ELF1: variants seen among roughly 807,000 people sequenced by gnomAD.
ELF1 encodes ETS-related transcription factor Elf-1.
Under a neutral mutation model 59.9 loss-of-function variants are expected in ELF1, and 24 were observed. The observed-to-expected ratio is 0.40, with a 90% confidence interval of 0.29 to 0.56. The LOEUF (loss-of-function observed/expected upper bound fraction) is 0.56, where lower values mean the gene tolerates loss of function less well. Among genes scored for constraint, ELF1 ranks in the 20% least tolerant of loss-of-function variants. ELF1 has a pLI of 0.44. For missense variants in ELF1, 627 were observed against 742.2 expected (o/e 0.84, Z 1.80); for synonymous variants, 248 against 266.2 (o/e 0.93, Z 0.67).
intron 1 of ELF1, among the ~76,000 whole-genome samples, chr13:41,002,129 A>G (rs1874485139): frequency 6.6e-6 from 1 of 152,136 alleles, no homozygotes; most frequent in Non-Finnish European, 1.5e-5. Flanking sequence ...ATAGGTACAG[A>G]TAAATCCAAA....
At chr13:40,943,201 A>G (rs1442094534) in intron 6 of ELF1, 57 bp from the exon 7 acceptor site, 2 of 1,404,336 alleles carry the variant, frequency 1.4e-6, no homozygotes, top group African/African-American at 2.8e-5. Context: ...AAGAACCTCA[A>G]AAAAGACAAC....
At chr13:41,015,834 C>CA (rs1009403226) in intron 1 of ELF1, among the ~76,000 whole-genome samples, 2 of 151,812 alleles carry the variant, frequency 1.3e-5, no homozygotes, top group African/African-American at 4.8e-5. Flanking sequence ...CGTAAGATGG[C>CA]AAAAAAGAGT....
intron 1 of ELF1, chr13:40,993,463 AC>A: frequency 1.7e-6 from 1 of 597,716 alleles, no homozygotes; most frequent in Non-Finnish European, 2.9e-6. Flanking sequence ...CAACTTAAGC[AC>A]CCAGCGGGCG....
chr13:41,034,461 G>C (rs1184890852), intron 1 of ELF1, among the ~76,000 whole-genome samples: 1 of 152,076 alleles, frequency 6.6e-6, no homozygotes, highest in Admixed American at 6.6e-5. Flanking sequence ...CTAAACTTAA[G>C]ATCATTTCAA....
At chr13:40,992,213 A>G (rs560039368) in intron 1 of ELF1, among the ~76,000 whole-genome samples, 1 of 152,348 alleles carries the variant, frequency 6.6e-6, no homozygotes, top group East Asian at 1.9e-4. Context: ...CGATTTGCCC[A>G]AAGTCGCATG....
intron 1 of ELF1, among the ~76,000 whole-genome samples, chr13:40,997,169 CA>C (rs1874167127): frequency 1.3e-5 from 2 of 152,316 alleles, no homozygotes; most frequent in South Asian, 2.1e-4. Flanking sequence ...TCCTTGTGCA[CA>C]AAACTTCCTG....
intron 1 of ELF1, among the ~76,000 whole-genome samples, chr13:40,989,104 G>A (rs1003038528): frequency 9.9e-5 from 15 of 152,052 alleles, no homozygotes; most frequent in African/African-American, 3.6e-4. Flanking sequence ...AGCCTTTCTA[G>A]CTATTTTAAA....
intron 1 of ELF1, among the ~76,000 whole-genome samples, chr13:41,044,441 G>C (rs1273101878): frequency 1.3e-5 from 2 of 152,142 alleles, no homozygotes; most frequent in Admixed American, 1.3e-4. Context: ...GTCATAAATA[G>C]CTCTTACTAT....
At chr13:40,983,135 A>G (rs1184681896) in intron 1 of ELF1, among the ~76,000 whole-genome samples, 1 of 152,242 alleles carries the variant, frequency 6.6e-6, no homozygotes, top group Non-Finnish European at 1.5e-5. Flanking sequence ...AAAGGAAAAA[A>G]TTCTTTAGGT....
intron 1 of ELF1, among the ~76,000 whole-genome samples, chr13:41,017,008 CTG>C (rs1292182948): frequency 2.2e-5 from 2 of 89,270 alleles, no homozygotes; most frequent in African/African-American, 8.9e-5. Context: ...AGAAATAAAA[CTG>C]TCTTTGTATC....
At chr13:41,022,948 A>G (rs761104112), upstream of ELF1, among the ~76,000 whole-genome samples, 6 of 152,168 alleles carry the variant, frequency 3.9e-5, no homozygotes, top group Non-Finnish European at 8.8e-5. Flanking sequence ...AAAGAAAGGA[A>G]GGGAGGAAGG....
chr13:41,056,150 G>A (rs1468033243), intron 1 of ELF1, among the ~76,000 whole-genome samples: 3 of 151,992 alleles, frequency 2.0e-5, no homozygotes, highest in African/African-American at 4.8e-5. Flanking sequence ...ATCCACATTG[G>A]CAGTCACCTC....
rs1438394237 is a variant in ELF1 at position 41,049,766 on chromosome 13, C to G, written c.-229+11072G>C. Among the ~76,000 whole-genome samples the G allele has an allele frequency of 2.0e-5, 3 of 152,228 alleles. No individual in the cohort carries two copies. The East Asian group carries it at 5.8e-4, about 29-fold the overall frequency. ...GCCTTCTCAATCCAGCCCTTCCCTACACTATGTTAGGGGTCTCCCTGCCAT... is the reference window on the plus strand; with the variant it reads ...GCCTTCTCAATCCAGCCCTTCCCTAGACTATGTTAGGGGTCTCCCTGCCAT... On this transcript the variant is annotated intron_variant, in intron 1 of 1. Coordinates refer to the ELF1 transcript ENST00000405737.
intron 1 of ELF1, among the ~76,000 whole-genome samples, chr13:40,985,259 C>T (rs531531039): frequency 6.6e-6 from 1 of 152,236 alleles, no homozygotes; most frequent in South Asian, 2.1e-4. Context: ...GATACCTGAT[C>T]CAGAGGGAGC....
chr13:41,001,226 C>T (rs750451800), intron 1 of ELF1, among the ~76,000 whole-genome samples: 46 of 152,186 alleles, frequency 3.0e-4, no homozygotes, highest in Non-Finnish European at 4.9e-4. Context: ...CCACCTGCCT[C>T]GGCCTCCCAA....
chr13:40,980,081 C>T (rs778413628), intron 2 of ELF1, among the ~76,000 whole-genome samples: 1 of 152,092 alleles, frequency 6.6e-6, no homozygotes, highest in Admixed American at 6.6e-5. Context: ...AGACTGAAGA[C>T]GCCAAAACTC....
intron 1 of ELF1, among the ~76,000 whole-genome samples, chr13:41,057,184 T>C (rs1445572695): frequency 2.0e-5 from 3 of 148,628 alleles, no homozygotes; most frequent in Middle Eastern, 3.5e-3. Context: ...GATAAGGTCT[T>C]AGGGTCTTGC....
chr13:41,012,805 A>C (rs1295989319), intron 1 of ELF1, among the ~76,000 whole-genome samples: 1 of 151,582 alleles, frequency 6.6e-6, no homozygotes, highest in Non-Finnish European at 1.5e-5. Flanking sequence ...TGATCCTCCC[A>C]CTTAGGCTTT....
intron 5 of ELF1, among the ~76,000 whole-genome samples, chr13:40,949,484 G>A (rs1328799900): frequency 6.6e-6 from 1 of 151,912 alleles, no homozygotes; most frequent in African/African-American, 2.4e-5. Flanking sequence ...GGCCTCCCAA[G>A]TATCTAGGAC....
Sources: gnomAD v4.1 joint callset for allele counts (sites outside exome capture counted in the v4.1 genomes callset) on GRCh38, gnomAD v4.1.1 for gene constraint, MANE v1.5 for transcripts, NCBI Gene and HGNC (gene_info 2026-07-23, HGNC 2026-07-21) for gene names.